PIK3C2G: variants seen among roughly 807,000 people sequenced by gnomAD.
PIK3C2G encodes the protein phosphatidylinositol-4-phosphate 3-kinase catalytic subunit type 2 gamma, also known as phosphatidylinositol 3-kinase C2 domain-containing subunit gamma.
In PIK3C2G, 168 loss-of-function variants were observed where a neutral mutation model predicts 181.1. The observed-to-expected ratio is 0.93, with a 90% CI of 0.82 to 1.05. The LOEUF (loss-of-function observed/expected upper bound fraction) is 1.05, where lower values mean the gene tolerates loss of function less well. Ranked by LOEUF, PIK3C2G falls within the 50% of genes least tolerant of loss-of-function variation. The pLI is 0.00. For missense variants in PIK3C2G, 1,869 were observed against 1,732.8 expected, an observed-to-expected ratio of 1.08 and a Z score of -1.40; for synonymous variants, 573 against 592.2, an observed-to-expected ratio of 0.97 and a Z score of 0.47.
Position 18,300,571 on chromosome 12 carries a change from C to T in PIK3C2G, c.1034+6556C>T, listed in dbSNP as rs141042775. On this transcript the variant is annotated intron_variant, in intron 5 of 32. Coordinates refer to ENST00000538779, the MANE Select transcript of PIK3C2G (RefSeq NM_001288772.2). Reference sequence around the variant, plus strand: ...GGTCATTTTTTAAAATCCATTCAACCAATCTGTATCTTTTAAGTGGGTAAT... The same window carrying T: ...GGTCATTTTTTAAAATCCATTCAACTAATCTGTATCTTTTAAGTGGGTAAT... Among the ~76,000 whole-genome samples the T allele has an allele frequency of 2.6e-5, 4 of 152,058 alleles. No individual in the cohort carries two copies. In the East Asian group the frequency reaches 5.8e-4, roughly 22 times the overall value.
chr12:18,393,539 A>G (rs1943671174), intron 15 of PIK3C2G, among the ~76,000 whole-genome samples: 1 of 152,150 alleles, frequency 6.6e-6, no homozygotes, highest in African/African-American at 2.4e-5. Context: ...ATTGAAAAAA[A>G]AACTTCTTGA....
At chr12:18,506,174 C>T (rs151099005) in intron 24 of PIK3C2G, among the ~76,000 whole-genome samples, 5 of 152,108 alleles carry the variant, frequency 3.3e-5, no homozygotes, top group Admixed American at 1.3e-4. Context: ...CAGGAAGAAA[C>T]AACAGCACAT....
At chr12:18,325,591 C>T (rs1031260548) in intron 8 of PIK3C2G, among the ~76,000 whole-genome samples, 25 of 151,542 alleles carry the variant, frequency 1.6e-4, no homozygotes, top group African/African-American at 6.1e-4. Flanking sequence ...GCCTGTAATC[C>T]CAGCTACTTG....
intron 31 of PIK3C2G, among the ~76,000 whole-genome samples, chr12:18,624,086 T>C (rs975312977): frequency 7.3e-5 from 11 of 151,680 alleles, no homozygotes; most frequent in African/African-American, 2.7e-4. Flanking sequence ...TAGAAGTGGT[T>C]AGAGTAGGCA....
At chr12:18,376,049 G>A (rs1942416612) in intron 13 of PIK3C2G, among the ~76,000 whole-genome samples, 1 of 152,228 alleles carries the variant, frequency 6.6e-6, no homozygotes, top group Non-Finnish European at 1.5e-5. Context: ...ATCCCTCACA[G>A]AGAACCTCTA....
chr12:18,538,193 T>C lies in PIK3C2G; in HGVS notation c.3361T>C (p.Tyr1121His). The C allele has an allele frequency of 4.3e-6, 7 of 1,612,208 alleles. No individual in the cohort carries two copies. The highest frequency in any genetic ancestry group is 5.9e-6 in the Non-Finnish European group (7 of 1,178,948). Reference protein sequence around the residue: ...APFIFTSEMEYFITEGGKNPQ... With the variant: ...APFIFTSEMEHFITEGGKNPQ... ...TTTCATTTTTACTTCAGAGATGGAA[T>C]ACTTTATTACAGAGGGTGGGAAAAA... Residue 1121 changes from tyrosine to histidine, a missense_variant, in exon 25 of 33, where the codon TAC (tyrosine) becomes CAC (histidine). Physicochemically the swap from Tyr to His is moderately conservative, Grantham distance 83. Coordinates refer to ENST00000538779, the MANE Select transcript of PIK3C2G (RefSeq NM_001288772.2).
intron 5 of PIK3C2G, among the ~76,000 whole-genome samples, chr12:18,308,357 T>C (rs964951405): frequency 2.0e-5 from 3 of 151,774 alleles, no homozygotes; most frequent in Non-Finnish European, 4.4e-5. Flanking sequence ...AAAATAGACA[T>C]TCTCAGAAAT....
intron 18 of PIK3C2G, among the ~76,000 whole-genome samples, chr12:18,430,819 T>C (rs1008280667): frequency 5.3e-5 from 8 of 152,208 alleles, no homozygotes; most frequent in African/African-American, 1.9e-4. Context: ...CAGCATCTTC[T>C]GTACCAGTTG....
chr12:18,297,166 T>A (rs542696943), intron 5 of PIK3C2G, among the ~76,000 whole-genome samples: 3 of 152,078 alleles, frequency 2.0e-5, no homozygotes, highest in African/African-American at 7.2e-5. Flanking sequence ...TCTCTCTTTT[T>A]GACAGGGAGT....
chr12:18,503,194 G>T, intron 22 of PIK3C2G, 87 bp from the exon 23 acceptor site: 2 of 947,928 alleles, frequency 2.1e-6, no homozygotes, highest in Non-Finnish European at 3.1e-6. Context: ...ATCCAGTAGT[G>T]CTGGAAGCTA....
chr12:18,415,414 C>T (rs1394122694), intron 16 of PIK3C2G, among the ~76,000 whole-genome samples: 1 of 152,160 alleles, frequency 6.6e-6, no homozygotes, highest in Admixed American at 6.5e-5. Flanking sequence ...TGAACTTAGT[C>T]CATTAATGTT....
Position 18,524,307 on chromosome 12 carries a change from T to C in PIK3C2G, c.3324-13849T>C, listed in dbSNP as rs7133093. Among the ~76,000 whole-genome samples the C allele has an allele frequency of 7.4e-3, 1,126 of 152,304 alleles. 13 individuals are homozygous for C. Among genetic ancestry groups the C allele is most frequent in the African/African-American group, 0.026 (1,064 of 41,574 alleles). ...CACAATCAAAGAGAACCATTTCTTT[T>C]ACTGTGTAATCATAGCCCTTCTAGA... On this transcript the variant is annotated intron_variant, in intron 24 of 32. Coordinates refer to ENST00000538779, the MANE Select transcript of PIK3C2G (RefSeq NM_001288772.2).
the PIK3C2G span, among the ~76,000 whole-genome samples, chr12:18,691,618 G>A: frequency 6.6e-6 from 1 of 152,172 alleles, no homozygotes; most frequent in Non-Finnish European, 1.5e-5. Flanking sequence ...AGCAATGTGT[G>A]TAGAAATGGA....
the PIK3C2G span, among the ~76,000 whole-genome samples, chr12:18,721,778 T>C: frequency 6.6e-6 from 1 of 151,856 alleles, no homozygotes; most frequent in Non-Finnish European, 1.5e-5. Flanking sequence ...TCGCTTAGTA[T>C]TCTTGTGCAA....
At chr12:18,440,039 G>A (rs1395079009) in intron 18 of PIK3C2G, among the ~76,000 whole-genome samples, 1 of 151,916 alleles carries the variant, frequency 6.6e-6, no homozygotes, top group African/African-American at 2.4e-5. Flanking sequence ...TATTTATTAG[G>A]TGTCTCACTT....
rs938279283 is a variant in PIK3C2G at position 18,451,559 on chromosome 12, T to G, written c.2504+27520T>G. On this transcript the variant is annotated intron_variant, in intron 18 of 32. Transcript: ENST00000538779. ...ACTTCCTCTCTTCCTATTTGAATAT[T>G]GTTTATTTCTTTCTCTTGCCTGATT... Among the ~76,000 whole-genome samples, 3 of 152,248 alleles carry G rather than the reference T, an allele frequency of 2.0e-5. No homozygotes were observed. The South Asian group carries it at 6.2e-4, about 32-fold the overall frequency.
At chr12:18,560,715 T>C (rs1409012098) in intron 26 of PIK3C2G, among the ~76,000 whole-genome samples, 2 of 152,104 alleles carry the variant, frequency 1.3e-5, no homozygotes, top group African/African-American at 4.8e-5. Context: ...ATAGCATATT[T>C]AGTATTTTAA....
At chr12:18,348,938 C>A (rs1939948002) in intron 11 of PIK3C2G, among the ~76,000 whole-genome samples, 1 of 152,102 alleles carries the variant, frequency 6.6e-6, no homozygotes, top group Non-Finnish European at 1.5e-5. Context: ...GAATCCACTT[C>A]TAAGGTGATA....
At chr12:18,308,807 C>A (rs908591592) in intron 5 of PIK3C2G, among the ~76,000 whole-genome samples, 1 of 151,546 alleles carries the variant, frequency 6.6e-6, no homozygotes, top group Non-Finnish European at 1.5e-5. Flanking sequence ...AAACTTATTA[C>A]ACGTAAATAC....
Sources: gnomAD v4.1 joint callset for allele counts (sites outside exome capture counted in the v4.1 genomes callset) on GRCh38, gnomAD v4.1.1 for gene constraint, MANE v1.5 for transcripts, NCBI Gene and HGNC (gene_info 2026-07-23, HGNC 2026-07-21) for gene names.